The following RASAL2 variants were observed in gnomAD, a reference collection of about 807,000 sequenced individuals.
RASAL2 encodes the protein RAS protein activator like 2.
A neutral mutation model predicts 128.9 loss-of-function variants in RASAL2; 58 were observed. The ratio of observed to expected loss-of-function variants is 0.45; its 90% CI spans 0.36 to 0.56. RASAL2 has a LOEUF of 0.56. Among genes scored for constraint, RASAL2 ranks in the 20% least tolerant of loss-of-function variants. The pLI, the probability that RASAL2 is intolerant of heterozygous loss-of-function variation, is 0.00. For missense variants in RASAL2, 1,360 were observed against 1,601.6 expected, an observed-to-expected ratio of 0.85 and a Z score of 2.57; for synonymous variants, 561 against 580.8, an observed-to-expected ratio of 0.97 and a Z score of 0.49.
At chr1:178,287,003 C>T (rs1410821264) in intron 2 of RASAL2, among the ~76,000 whole-genome samples, 1 of 152,072 alleles carries the variant, frequency 6.6e-6, no homozygotes, top group Non-Finnish European at 1.5e-5. Flanking sequence ...CCTTCTGAGA[C>T]CTAGGACCCA....
chr1:178,268,433 A>G (rs1259026437), intron 1 of RASAL2, among the ~76,000 whole-genome samples: 1 of 151,912 alleles, frequency 6.6e-6, no homozygotes, highest in Non-Finnish European at 1.5e-5. Context: ...GCACCACTGC[A>G]CTCCAGCCTG....
intron 1 of RASAL2, among the ~76,000 whole-genome samples, chr1:178,221,869 A>G (rs935737092): frequency 2.0e-5 from 3 of 152,058 alleles, no homozygotes; most frequent in Admixed American, 1.3e-4. Context: ...AAAATTTCCA[A>G]CTGTAATACT....
intron 9 of RASAL2, among the ~76,000 whole-genome samples, chr1:178,447,630 C>A: frequency 7.4e-6 from 1 of 135,144 alleles, no homozygotes; most frequent in Non-Finnish European, 1.5e-5. Flanking sequence ...AAGATTATAC[C>A]ATTGCACTCC....
At chr1:178,237,668 C>T (rs868864275) in intron 1 of RASAL2, among the ~76,000 whole-genome samples, 4 of 152,146 alleles carry the variant, frequency 2.6e-5, no homozygotes, top group Admixed American at 6.6e-5. Flanking sequence ...ACTTACATAA[C>T]GTATTTCATC....
Position 178,457,830 on chromosome 1 carries a change from G to A in RASAL2, c.2538G>A (p.Arg846=), listed in dbSNP as rs775192536. The stretch of plus-strand genomic sequence containing the variant: ...GGGAAAGTAGCCTTCCTAATGGTCG[G>A]AGCGTCTCCCTCATGGACCTCCAGG... ...DERESSLPNG[R]SVSLMDLQDT... Residue 846 remains arginine (R), a synonymous_variant, in exon 14 of 18, where the codon CGG becomes CGA. Transcript: ENST00000367649. 6.2e-7 allele frequency: 1 copy of A among 1,614,192 alleles called. No individual in the cohort carries two copies. The highest frequency in any genetic ancestry group is 8.5e-7 in the Non-Finnish European group (1 of 1,180,034).
chr1:178,166,589 A>G (rs1661521055), intron 1 of RASAL2, among the ~76,000 whole-genome samples: 1 of 152,218 alleles, frequency 6.6e-6, no homozygotes, highest in Admixed American at 6.6e-5. Flanking sequence ...CACTTCCTCA[A>G]AATACAATCT....
At chr1:178,266,728 G>A (rs2102154399) in intron 1 of RASAL2, among the ~76,000 whole-genome samples, 1 of 152,330 alleles carries the variant, frequency 6.6e-6, no homozygotes, top group Middle Eastern at 3.4e-3. Context: ...GCTGGAAGAG[G>A]CAGTGTCTTA....
chr1:178,205,507 A>G (rs951121042), intron 1 of RASAL2, among the ~76,000 whole-genome samples: 1 of 152,046 alleles, frequency 6.6e-6, no homozygotes, highest in Non-Finnish European at 1.5e-5. Context: ...CTGTAATCCC[A>G]GCACTTTGGG....
chr1:178,108,481 T>G (rs1459365973), intron 1 of RASAL2, among the ~76,000 whole-genome samples: 2 of 152,196 alleles, frequency 1.3e-5, no homozygotes, highest in Non-Finnish European at 2.9e-5. Flanking sequence ...TATTTAATCT[T>G]TATAACTACA....
chr1:178,345,729 A>C (rs1487414267), intron 3 of RASAL2, among the ~76,000 whole-genome samples: 1 of 152,160 alleles, frequency 6.6e-6, no homozygotes, highest in Non-Finnish European at 1.5e-5. Context: ...AGTGAAGTGA[A>C]ATAACAAAGA....
At chr1:178,183,495 C>T (rs1013281523) in intron 1 of RASAL2, among the ~76,000 whole-genome samples, 6 of 152,144 alleles carry the variant, frequency 3.9e-5, no homozygotes, top group Non-Finnish European at 5.9e-5. Flanking sequence ...TCAGTACCCC[C>T]GACCCACTCC....
intron 4 of RASAL2, among the ~76,000 whole-genome samples, chr1:178,401,445 A>G (rs1329010390): frequency 4.6e-5 from 7 of 152,266 alleles, no homozygotes; most frequent in Non-Finnish European, 8.8e-5. Flanking sequence ...GGTATAATTG[A>G]ATGTGTAAGA....
At chr1:178,353,044 G>A (rs1333145230) in intron 3 of RASAL2, among the ~76,000 whole-genome samples, 1 of 152,252 alleles carries the variant, frequency 6.6e-6, no homozygotes, top group East Asian at 1.9e-4. Flanking sequence ...TCTCAGAAAT[G>A]CCTGCAAGGC....
intron 1 of RASAL2, among the ~76,000 whole-genome samples, chr1:178,250,015 C>G (rs1664964750): frequency 6.6e-6 from 1 of 152,176 alleles, no homozygotes; most frequent in Admixed American, 6.5e-5. Context: ...TGAGGTCTCT[C>G]CCACTCAGGA....
In RASAL2 at chr1:178,107,309, TTGTCTTAGAATTTAACAGTA is replaced by T. The variant is rs573711079; in HGVS notation, c.202+12623_202+12642del. On this transcript the variant is annotated intron_variant, in intron 1 of 17. Coordinates refer to ENST00000367649, the MANE Select transcript of RASAL2 (RefSeq NM_170692.4). ...ACAAGCATTTTTGTGCTTTTCTAAG[TTGTCTTAGAATTTAACAGTA>T]TGTCTTATCCTATCTTCTCTGCCTC... Among the ~76,000 whole-genome samples the T allele has an allele frequency of 7.6e-3, 1,159 of 152,278 alleles. 8 individuals carry two copies. Among genetic ancestry groups the T allele is most frequent in the Non-Finnish European group, 0.011 (726 of 67,996 alleles).
At chr1:178,299,954 T>C in intron 2 of RASAL2, 38 bp from the exon 3 acceptor site, 1 of 1,604,606 alleles carries the variant, frequency 6.2e-7, no homozygotes, top group African/African-American at 1.3e-5. Context: ...TATGGTGAGT[T>C]CACTATTAAG....
At position 178,094,328 on chromosome 1, in the gene RASAL2, C is replaced by T; in HGVS notation, c.-165C>T. On this transcript the variant is annotated 5_prime_UTR_variant, in exon 1 of 18. Transcript: ENST00000367649. Reference sequence around the variant, plus strand: ...TGGGCTGCATCGCCCGAGCCTCGGGCAGTGGGCGACGGGGAAGGAGGTGAG... The same window carrying T: ...TGGGCTGCATCGCCCGAGCCTCGGGTAGTGGGCGACGGGGAAGGAGGTGAG... The T allele has an allele frequency of 1.6e-6, 1 of 626,562 alleles. No homozygotes were observed. The highest frequency in any genetic ancestry group is 2.6e-6 in the Non-Finnish European group (1 of 384,034). The allele number at this position is 626,562 out of a possible 1,614,324, so 38.8% of individuals were successfully genotyped here.
intron 1 of RASAL2, among the ~76,000 whole-genome samples, chr1:178,265,036 C>G (rs1179400780): frequency 6.6e-6 from 1 of 152,210 alleles, no homozygotes; most frequent in Non-Finnish European, 1.5e-5. Context: ...AGGATTTTAG[C>G]AGTTCTGTGC....
At chr1:178,441,957 G>A (rs568002475) in intron 7 of RASAL2, among the ~76,000 whole-genome samples, 24 of 152,214 alleles carry the variant, frequency 1.6e-4, no homozygotes, top group African/African-American at 5.5e-4. Context: ...AAGGCAGAAG[G>A]GGAGCAGGCA....
Sources: gnomAD v4.1 joint callset for allele counts (sites outside exome capture counted in the v4.1 genomes callset) on GRCh38, gnomAD v4.1.1 for gene constraint, MANE v1.5 for transcripts, NCBI Gene and HGNC (gene_info 2026-07-23, HGNC 2026-07-21) for gene names.